Variants in PIGR observed in about 807,000 individuals in gnomAD.
PIGR encodes the protein hepatocellular carcinoma associated protein TB6.
Under a neutral mutation model 69.5 loss-of-function variants are expected in PIGR, and 22 were observed. The observed-to-expected ratio is 0.32, with a 90% CI of 0.23 to 0.45. The LOEUF (loss-of-function observed/expected upper bound fraction) is 0.45, where lower values mean the gene tolerates loss of function less well. Among genes scored for constraint, PIGR ranks in the 20% least tolerant of loss-of-function variants. PIGR has a pLI of 1.00. For missense variants in PIGR, 885 were observed against 974.0 expected, an observed-to-expected ratio of 0.91 and a Z score of 1.22; for synonymous variants, 413 against 407.6, an observed-to-expected ratio of 1.01 and a Z score of -0.16.
rs141171094 is a variant in PIGR, at chr1:206,941,568, A to C, written c.-53-984T>G. Among the ~76,000 whole-genome samples the C allele has an allele frequency of 2.3e-3, 351 of 152,372 alleles. 2 individuals carry two copies. Among genetic ancestry groups the C allele is most frequent in the African/African-American group, 8.1e-3 (335 of 41,580 alleles). ...CTGAATGATAGGCTTACGTTTTCCC[A>C]GCAACTTGGTTATGGAATTGGGGTT... On this transcript the variant is annotated intron_variant, in intron 1 of 10. Coordinates refer to ENST00000356495, the MANE Select transcript of PIGR (RefSeq NM_002644.4).
chr1:206,930,157 T>C lies in PIGR; in HGVS notation c.*161A>G, dbSNP rs182628626. 3.5e-4 allele frequency: 181 copies of C among 517,534 alleles called. 2 individuals are homozygous for C. The highest frequency in any genetic ancestry group is 2.7e-3 in the African/African-American group (137 of 51,270). 32.1% of individuals were successfully genotyped at this position (517,534 alleles called of 1,614,324 possible). On this transcript the variant is annotated 3_prime_UTR_variant, in exon 11 of 11. Coordinates refer to ENST00000356495, the MANE Select transcript of PIGR (RefSeq NM_002644.4). This position sits in a 1 kb window ranked among gnomAD's most constrained non-coding sequence, Gnocchi z 4.3. ...CAATAGGAACAATTAGGCCAGGCTTTGATGTCACTGAGGAGGGGACCAGCA... is the reference window on the plus strand; with the variant it reads ...CAATAGGAACAATTAGGCCAGGCTTCGATGTCACTGAGGAGGGGACCAGCA...
Position 206,935,945 on chromosome 1 carries a change from C to CCTG in PIGR, c.1046-128_1046-127insCAG. The CCTG allele has an allele frequency of 1.5e-6, 1 of 661,970 alleles. No homozygotes were observed. Among genetic ancestry groups the CCTG allele is most frequent in the Non-Finnish European group, 2.6e-6 (1 of 385,452 alleles). 41.0% of individuals were successfully genotyped at this position (661,970 alleles called of 1,614,324 possible). ...TGAAGTTTACACGCATCACCTTACC[C>CCTG]TCTTCAGAAAATGAAAAGGAGCTTT... On this transcript the variant is annotated intron_variant, in intron 4 of 10. Transcript: ENST00000356495. The surrounding 1 kb of genome is among the most constrained non-coding windows in gnomAD (Gnocchi z 4.4).
At chr1:206,932,836 A>G in intron 7 of PIGR, 150 bp downstream of exon 7, 1 of 836,470 alleles carries the variant, frequency 1.2e-6, no homozygotes, top group Non-Finnish European at 1.9e-6. Context: ...AGAGGGTACC[A>G]TAGGACCCTC....
Position 206,934,474 on chromosome 1 carries a change from A to T in PIGR, c.1651T>A (p.Phe551Ile), listed in dbSNP as rs1163626125. ...WYWCGVKQGH[F>I]YGETAAVYVA... ...TAGACGGCTGCAGTCTCTCCATAGAAGTGGCCCTGCTTCACTCCACACCAG... is the reference window on the plus strand; with the variant it reads ...TAGACGGCTGCAGTCTCTCCATAGATGTGGCCCTGCTTCACTCCACACCAG... The change falls in exon 6 of 11, where the codon TTC becomes ATC. Residue 551 changes from phenylalanine (F) to isoleucine (I), a missense_variant. By Grantham distance (21) the Phe-to-Ile change is conservative. Coordinates refer to ENST00000356495, the MANE Select transcript of PIGR (RefSeq NM_002644.4). The T allele has an allele frequency of 1.2e-6, 2 of 1,614,164 alleles. No homozygotes were observed. Among genetic ancestry groups the T allele is most frequent in the Non-Finnish European group, 1.7e-6 (2 of 1,180,030 alleles).
intron 1 of PIGR, among the ~76,000 whole-genome samples, chr1:206,941,822 T>TC (rs1333473291): frequency 6.6e-6 from 1 of 152,222 alleles, no homozygotes; most frequent in African/African-American, 2.4e-5. Flanking sequence ...GTCTCCACTT[T>TC]CCCAGACTTT....
In PIGR at chr1:206,937,795, T is replaced by A. The variant is rs767233885; in HGVS notation, c.389-44A>T. 4 of 1,563,960 alleles carry A rather than the reference T, an allele frequency of 2.6e-6. No individual in the cohort carries two copies. In the East Asian group the frequency reaches 6.7e-5, roughly 26 times the overall value. ...AAGGTAGGGGGCAGGCAAGTTACGA[T>A]TCTACTTTCTTGCAACATAGGACTA... On this transcript the variant is annotated intron_variant, in intron 3 of 10. Coordinates refer to ENST00000356495, the MANE Select transcript of PIGR (RefSeq NM_002644.4).
Position 206,937,712 on chromosome 1 carries a change from T to A in PIGR, c.428A>T (p.Asp143Val). 6.2e-7 allele frequency: 1 copy of A among 1,614,070 alleles called. No homozygotes were observed. ...LLNDTKVYTVDLGRTVTINCP... is the reference protein window; with the variant it reads ...LLNDTKVYTVVLGRTVTINCP... ...GTTGATGGTCACCGTTCTGCCCAGG[T>A]CCACTGTGTAGACTTTAGTGTCATT... The change falls in exon 4 of 11, where the codon GAC (aspartate) becomes GTC (valine). Residue 143 changes from aspartate to valine, a missense_variant. By Grantham distance (152) the Asp-to-Val change is radical. Coordinates refer to ENST00000356495, the MANE Select transcript of PIGR (RefSeq NM_002644.4).
intron 6 of PIGR, among the ~76,000 whole-genome samples, chr1:206,934,194 A>G (rs1305439264): frequency 6.6e-6 from 1 of 152,168 alleles, no homozygotes; most frequent in East Asian, 1.9e-4. Flanking sequence ...TTAAATAGCA[A>G]ACCCACTATT....
chr1:206,937,614 C>T lies in PIGR; in HGVS notation c.526G>A (p.Val176Ile). ...TTTACATAACCACTGGAGTCGATGA[C>T]CAGCACAGGGTACAGGCCTATCTGC... is the stretch of plus-strand genomic sequence containing the variant. ...YKQIGLYPVL[V>I]IDSSGYVNPN... The change falls in exon 4 of 11, where the codon GTC becomes ATC. Residue 176 changes from valine (V) to isoleucine (I), a missense_variant. Transcript: ENST00000356495. The T allele has an allele frequency of 1.2e-6, 2 of 1,613,896 alleles. No individual in the cohort carries two copies. Among genetic ancestry groups the T allele is most frequent in the South Asian group, 2.2e-5 (2 of 91,018 alleles).
chr1:206,936,272 G>T (rs1679860763), intron 4 of PIGR, among the ~76,000 whole-genome samples: 2 of 152,194 alleles, frequency 1.3e-5, no homozygotes, highest in Non-Finnish European at 1.5e-5. Flanking sequence ...TGTAGCAAAG[G>T]TGAGCTTAAT....
Position 206,939,276 on chromosome 1 carries a change from T to C in PIGR, c.231A>G (p.Lys77=). 1 of 1,614,194 alleles carries C rather than the reference T, an allele frequency of 6.2e-7. No homozygotes were observed. The highest frequency in any genetic ancestry group is 8.5e-7 in the Non-Finnish European group (1 of 1,180,030). ...LISSEGYVSS[K]YAGRANLTNF... ...TGGTGAGGTTAGCCCTGCCTGCATA[T>C]TTGCTGGAGACGTAGCCCTCCGAGG... Residue 77 remains lysine (K), a synonymous_variant, in exon 3 of 11, where the codon AAA becomes AAG. Coordinates refer to ENST00000356495, the MANE Select transcript of PIGR (RefSeq NM_002644.4).
intron 8 of PIGR, 114 bp downstream of exon 8, chr1:206,932,342 C>A: frequency 7.9e-7 from 1 of 1,264,496 alleles, no homozygotes; most frequent in South Asian, 1.7e-5. Flanking sequence ...TCTCGGGATC[C>A]TTTGTTTTAG....
In PIGR at chr1:206,930,483, G is replaced by A; in HGVS notation, c.2200-70C>T. 6.6e-7 allele frequency: 1 copy of A among 1,526,430 alleles called. No individual in the cohort carries two copies. 94.6% of individuals were successfully genotyped at this position (1,526,430 alleles called of 1,614,324 possible). A position where few individuals can be genotyped will look rare whatever the true frequency, so the allele number is the denominator to read the frequency against. ...AGTGGGTGGAGTCAGGGGAGGGGAG[G>A]TGCTTAATGTCCTGAATTCGTGATC... On this transcript the variant is annotated intron_variant, in intron 10 of 10. Transcript: ENST00000356495. The surrounding 1 kb of genome is among the most constrained non-coding windows in gnomAD (Gnocchi z 4.3).
At chr1:206,937,849 G>A in intron 3 of PIGR, 98 bp from the exon 4 acceptor site, 1 of 1,116,432 alleles carries the variant, frequency 9.0e-7, no homozygotes. Context: ...GGTGTGGGTG[G>A]ACTTATAACC....
intron 1 of PIGR, among the ~76,000 whole-genome samples, chr1:206,941,008 A>G (rs1034740412): frequency 6.6e-6 from 1 of 152,148 alleles, no homozygotes; most frequent in Non-Finnish European, 1.5e-5. Context: ...CATATTTCAC[A>G]GTGTGTTCAG....
chr1:206,933,173 C>G lies in PIGR; in HGVS notation c.1706-7G>C, dbSNP rs1679795013. The G allele has an allele frequency of 1.9e-6, 3 of 1,613,642 alleles. No individual in the cohort carries two copies. The highest frequency in any genetic ancestry group is 2.5e-6 in the Non-Finnish European group (3 of 1,179,718). On this transcript the variant is annotated splice_region_variant and splice_polypyrimidine_tract_variant and intron_variant, in intron 6 of 10. Coordinates refer to ENST00000356495, the MANE Select transcript of PIGR (RefSeq NM_002644.4). ...AGGCTGACATCGCGGGACCCTGCAGCAGGGAAGAGTGGGCCTGGGTTGTGA... is the reference window on the plus strand; with the variant it reads ...AGGCTGACATCGCGGGACCCTGCAGGAGGGAAGAGTGGGCCTGGGTTGTGA...
intron 1 of PIGR, among the ~76,000 whole-genome samples, chr1:206,942,420 T>A (rs1680005574): frequency 6.6e-6 from 1 of 152,236 alleles, no homozygotes; most frequent in African/African-American, 2.4e-5. Context: ...ATGGGCTGGC[T>A]GCAAAGTCCT....
Position 206,939,188 on chromosome 1 carries a change from G to C in PIGR, c.319C>G (p.Arg107Gly). ...IAQLSQDDSG[R>G]YKCGLGINSR... ...TTGATGCCCAGGCCACACTTGTAGC[G>C]CCCGGAGTCATCCTGGCTCAGCTGG... Residue 107 changes from arginine to glycine, a missense_variant, in exon 3 of 11, where the codon CGC (arginine) becomes GGC (glycine). Arg to Gly is a moderately radical substitution (Grantham distance 125, BLOSUM62 -2). Transcript: ENST00000356495. 1 of 1,614,158 alleles carries C rather than the reference G, an allele frequency of 6.2e-7. No individual in the cohort carries two copies.
intron 6 of PIGR, among the ~76,000 whole-genome samples, chr1:206,934,147 C>A (rs1214779297): frequency 6.6e-6 from 1 of 152,196 alleles, no homozygotes; most frequent in Non-Finnish European, 1.5e-5. Context: ...CAGGTGTGAG[C>A]CACCACATTC....
Sources: allele counts gnomAD v4.1 joint callset (sites outside exome capture counted in the v4.1 genomes callset), GRCh38; gene constraint gnomAD v4.1.1; non-coding constraint Gnocchi (gnomAD v3.1); transcripts MANE v1.5; gene names NCBI Gene and HGNC (gene_info 2026-07-23, HGNC 2026-07-21).